MARCHF1: variants seen among roughly 807,000 people sequenced by gnomAD.
The protein encoded by MARCHF1 is membrane associated ring-CH-type finger 1.
Under a neutral mutation model 54.2 loss-of-function variants are expected in MARCHF1, and 40 were observed. That is an observed-to-expected ratio of 0.74 (90% CI 0.57 to 0.96). The LOEUF (loss-of-function observed/expected upper bound fraction) is 0.96. MARCHF1 is among the 40% of genes least tolerant of loss of function. The pLI is 0.00. For synonymous variants in MARCHF1, 236 were observed against 236.3 expected, an observed-to-expected ratio of 1.00 and a Z score of 0.01; for missense variants, 586 against 656.5, an observed-to-expected ratio of 0.89 and a Z score of 1.17.
chr4:163,778,353 A>C (rs1214112751), intron 4 of MARCHF1, among the ~76,000 whole-genome samples: 2 of 152,218 alleles, frequency 1.3e-5, no homozygotes, highest in African/African-American at 4.8e-5. Context: ...TTGTTGCTTC[A>C]CATGACTAAT....
chr4:163,719,684 C>T (rs111762993), intron 4 of MARCHF1, among the ~76,000 whole-genome samples: 2,299 of 151,698 alleles, frequency 0.015, 89 homozygotes, highest in African/African-American at 0.052. Context: ...ATATCCTCTC[C>T]AGCACCTGTT....
chr4:163,646,177 A>T (rs1742753306), intron 5 of MARCHF1, among the ~76,000 whole-genome samples: 1 of 152,148 alleles, frequency 6.6e-6, no homozygotes, highest in Non-Finnish European at 1.5e-5. Context: ...TTATCAGAGG[A>T]CTTCTCAACA....
intron 2 of MARCHF1, among the ~76,000 whole-genome samples, chr4:164,069,844 G>C (rs558700464): frequency 5.9e-5 from 9 of 152,296 alleles, no homozygotes; most frequent in South Asian, 4.2e-4. Flanking sequence ...ATTTACAATA[G>C]AGAAGACGTG....
intron 5 of MARCHF1, among the ~76,000 whole-genome samples, chr4:163,656,462 A>G (rs111973887): frequency 0.011 from 1,676 of 152,070 alleles, 34 homozygotes; most frequent in African/African-American, 0.036. Context: ...TCACAGCCAA[A>G]TTCTACCAGA....
At chr4:163,568,597 T>C (rs562022662) in intron 8 of MARCHF1, among the ~76,000 whole-genome samples, 4 of 152,248 alleles carry the variant, frequency 2.6e-5, no homozygotes, top group African/African-American at 7.2e-5. Flanking sequence ...CAATGAAATA[T>C]CTTTATGACA....
chr4:163,707,806 A>AAAGAAT (rs1744992423), intron 4 of MARCHF1, among the ~76,000 whole-genome samples: 1 of 151,256 alleles, frequency 6.6e-6, no homozygotes, highest in Non-Finnish European at 1.5e-5. Flanking sequence ...AAAAAAAAAA[A>AAAGAAT]AAGAATCCCA....
intron 1 of MARCHF1, among the ~76,000 whole-genome samples, chr4:164,114,174 A>G (rs927360277): frequency 6.6e-6 from 1 of 152,034 alleles, no homozygotes; most frequent in African/African-American, 2.4e-5. Flanking sequence ...CAGTCGATTT[A>G]TCTATCCATA....
At chr4:164,145,002 C>A (rs1729630385) in intron 1 of MARCHF1, among the ~76,000 whole-genome samples, 1 of 134,504 alleles carries the variant, frequency 7.4e-6, no homozygotes, top group Non-Finnish European at 1.5e-5. Flanking sequence ...CACCACCGAT[C>A]CCACAGAAAT....
chr4:164,313,173 C>T (rs1474460230), intron 1 of MARCHF1, among the ~76,000 whole-genome samples: 2 of 121,210 alleles, frequency 1.7e-5, no homozygotes, highest in South Asian at 5.5e-4. Context: ...CCCGTCTCTA[C>T]TAAAAATACA....
intron 4 of MARCHF1, among the ~76,000 whole-genome samples, chr4:163,756,424 C>T (rs528260199): frequency 1.3e-4 from 20 of 151,254 alleles, no homozygotes; most frequent in African/African-American, 3.4e-4. Flanking sequence ...GTCAGGAGAT[C>T]GAGACTATCC....
intron 8 of MARCHF1, among the ~76,000 whole-genome samples, chr4:163,555,383 A>G (rs1486421546): frequency 6.6e-6 from 1 of 152,188 alleles, no homozygotes; most frequent in Non-Finnish European, 1.5e-5. Flanking sequence ...TTTTTCACAG[A>G]GTGAATATAC....
intron 3 of MARCHF1, chr4:163,932,478 C>A (rs2111401006): frequency 5.5e-6 from 2 of 360,660 alleles, no homozygotes; most frequent in Admixed American, 3.2e-5. Context: ...GCATGTTCAC[C>A]AGGAGCAAAT....
intron 9 of MARCHF1, among the ~76,000 whole-genome samples, chr4:163,531,649 C>CG (rs1738355769): frequency 6.6e-6 from 1 of 151,664 alleles, no homozygotes; most frequent in African/African-American, 2.4e-5. Flanking sequence ...ATAAAACTAT[C>CG]TTTGTTCACA....
chr4:164,309,421 T>C (rs551543773), intron 1 of MARCHF1, among the ~76,000 whole-genome samples: 10 of 152,242 alleles, frequency 6.6e-5, no homozygotes, highest in African/African-American at 2.4e-4. Flanking sequence ...CCCTCCAGAG[T>C]TGCTGGCAAG....
At chr4:164,083,463 T>TGG (rs1435811480) in intron 2 of MARCHF1, among the ~76,000 whole-genome samples, 1 of 152,034 alleles carries the variant, frequency 6.6e-6, no homozygotes, top group East Asian at 1.9e-4. Flanking sequence ...GGAAGCAACA[T>TGG]GGAATTGGTA....
In MARCHF1 at chr4:163,897,839, G is replaced by A. The variant is rs550024500; in HGVS notation, c.-38-43670C>T. On this transcript the variant is annotated intron_variant, in intron 3 of 9. Transcript: ENST00000514618. ...TGGGAGGCCGAGGCGGGTGGATCAC[G>A]AGGTCAGGAGATCAAGACCATCCTG... Among the ~76,000 whole-genome samples the A allele has an allele frequency of 3.3e-5, 5 of 151,862 alleles. No individual in the cohort carries two copies. The East Asian group carries it at 5.8e-4, about 18-fold the overall frequency.
At chr4:163,851,583 C>T (rs931294216) in intron 4 of MARCHF1, among the ~76,000 whole-genome samples, 2 of 152,090 alleles carry the variant, frequency 1.3e-5, no homozygotes, top group Admixed American at 6.6e-5. Context: ...AGTTGTCACT[C>T]GTGAAGAGTA....
intron 5 of MARCHF1, among the ~76,000 whole-genome samples, chr4:163,641,363 A>G (rs1742548304): frequency 6.6e-6 from 1 of 152,162 alleles, no homozygotes; most frequent in South Asian, 2.1e-4. Context: ...TTTAGTTATT[A>G]TGACTGATAA....
intron 1 of MARCHF1, among the ~76,000 whole-genome samples, chr4:164,338,899 G>T (rs1185452405): frequency 6.6e-6 from 1 of 152,036 alleles, no homozygotes; most frequent in African/African-American, 2.4e-5. Context: ...TTGAACCTGG[G>T]AGGCGGAGAT....
Sources: allele counts gnomAD v4.1 joint callset (sites outside exome capture counted in the v4.1 genomes callset), GRCh38; gene constraint gnomAD v4.1.1; transcripts MANE v1.5; gene names NCBI Gene and HGNC (gene_info 2026-07-23, HGNC 2026-07-21).